Variants in SNTG1 observed in about 807,000 individuals in gnomAD.
SNTG1 encodes the protein gamma-1-syntrophin.
In SNTG1, 39 loss-of-function variants were observed where a neutral mutation model predicts 74.7. That is an observed-to-expected ratio of 0.52 (90% CI 0.40 to 0.68). The LOEUF (loss-of-function observed/expected upper bound fraction) is 0.68. Among genes scored for constraint, SNTG1 ranks in the 30% least tolerant of loss-of-function variants. SNTG1 has a pLI of 0.00. For missense variants in SNTG1, 685 were observed against 609.5 expected, an observed-to-expected ratio of 1.12 and a Z score of -1.30; for synonymous variants, 254 against 217.1, an observed-to-expected ratio of 1.17 and a Z score of -1.49.
At chr8:50,190,907 A>G (rs1183556407) in intron 2 of SNTG1, among the ~76,000 whole-genome samples, 4 of 152,144 alleles carry the variant, frequency 2.6e-5, no homozygotes, top group African/African-American at 9.7e-5. Flanking sequence ...ACACGACAAT[A>G]AGAATAAATT....
intron 1 of SNTG1, among the ~76,000 whole-genome samples, chr8:50,066,125 G>T (rs373936800): frequency 1.3e-5 from 2 of 152,206 alleles, no homozygotes; most frequent in African/African-American, 4.8e-5. Flanking sequence ...TGAGGCAGGA[G>T]AATCGCTTGA....
intron 13 of SNTG1, among the ~76,000 whole-genome samples, chr8:50,647,966 G>A (rs1415498747): frequency 1.3e-5 from 2 of 151,980 alleles, no homozygotes; most frequent in East Asian, 3.9e-4. Context: ...TAGGAAGAAT[G>A]TACTGAAACT....
intron 1 of SNTG1, among the ~76,000 whole-genome samples, chr8:49,995,187 G>T (rs1471955841): frequency 6.6e-6 from 1 of 152,132 alleles, no homozygotes; most frequent in East Asian, 1.9e-4. Flanking sequence ...CTGGTGAAGA[G>T]TTCAACATTA....
chr8:50,323,009 G>A (rs113714750), intron 2 of SNTG1, among the ~76,000 whole-genome samples: 8,209 of 151,448 alleles, frequency 0.054, 250 homozygotes, highest in Middle Eastern at 0.12. Flanking sequence ...CCAGCCACTC[G>A]GGGGGCTGAG....
At chr8:50,783,704 G>A (rs906819080) in intron 18 of SNTG1, among the ~76,000 whole-genome samples, 2 of 152,180 alleles carry the variant, frequency 1.3e-5, no homozygotes, top group African/African-American at 4.8e-5. Flanking sequence ...GCTGCACCCA[G>A]TGTCCTGCGC....
chr8:50,250,427 T>G (rs150352686), intron 2 of SNTG1, among the ~76,000 whole-genome samples: 1 of 152,082 alleles, frequency 6.6e-6, no homozygotes, highest in African/African-American at 2.4e-5. Context: ...AGTTCCCAAG[T>G]CTTAGGGGAG....
At chr8:50,168,538 C>T (rs551003463) in intron 1 of SNTG1, among the ~76,000 whole-genome samples, 11 of 151,950 alleles carry the variant, frequency 7.2e-5, no homozygotes, top group South Asian at 6.2e-4. Context: ...TTAACACATC[C>T]GTGTGTGTAT....
At chr8:50,423,357 A>C (rs778126117) in intron 4 of SNTG1, among the ~76,000 whole-genome samples, 9 of 152,260 alleles carry the variant, frequency 5.9e-5, no homozygotes, top group Non-Finnish European at 1.0e-4. Context: ...TATTGCAAAA[A>C]ACAATCATAA....
At chr8:49,984,308 C>A (rs976326819) in intron 1 of SNTG1, among the ~76,000 whole-genome samples, 1 of 151,872 alleles carries the variant, frequency 6.6e-6, no homozygotes, top group Non-Finnish European at 1.5e-5. Context: ...CAGATTCAAG[C>A]GATTCTCCTG....
At chr8:50,390,870 TTGTC>T in intron 2 of SNTG1, among the ~76,000 whole-genome samples, 1 of 152,274 alleles carries the variant, frequency 6.6e-6, no homozygotes, top group East Asian at 1.9e-4. Flanking sequence ...GGCTCTCTGT[TTGTC>T]TGTTATTGGT....
chr8:50,242,058 GACAC>G lies in SNTG1; in HGVS notation c.-28+69427_-28+69430del, dbSNP rs796526265. Among the ~76,000 whole-genome samples, 16 of 151,514 alleles carry G rather than the reference GACAC, an allele frequency of 1.1e-4. 1 individual carries two copies. The highest frequency in any genetic ancestry group is 3.9e-4 in the African/African-American group (16 of 41,278). On this transcript the variant is annotated intron_variant, in intron 2 of 18. Coordinates refer to ENST00000642720, the MANE Select transcript of SNTG1 (RefSeq NM_018967.5). ...CACTAGATAGATACATAGATAGATA[GACAC>G]ACAGATACACACACACATATCTACG... is the stretch of plus-strand genomic sequence containing the variant.
intron 18 of SNTG1, among the ~76,000 whole-genome samples, chr8:50,757,017 G>A (rs556068827): frequency 2.6e-5 from 4 of 151,660 alleles, no homozygotes; most frequent in African/African-American, 7.2e-5. Flanking sequence ...ACATGTGACC[G>A]AGAATATCTT....
At chr8:50,581,452 C>G (rs2094609277) in intron 12 of SNTG1, among the ~76,000 whole-genome samples, 1 of 152,146 alleles carries the variant, frequency 6.6e-6, no homozygotes, top group Admixed American at 6.6e-5. Context: ...AGATGCCTCT[C>G]TCTCTCCATG....
chr8:50,689,756 G>A (rs987622667), intron 15 of SNTG1, among the ~76,000 whole-genome samples: 2 of 152,146 alleles, frequency 1.3e-5, no homozygotes, highest in Non-Finnish European at 2.9e-5. Context: ...GATGATGCTG[G>A]CCTCATAAAA....
At chr8:50,184,553 T>A (rs1316249568) in intron 2 of SNTG1, among the ~76,000 whole-genome samples, 1 of 152,208 alleles carries the variant, frequency 6.6e-6, no homozygotes, top group Non-Finnish European at 1.5e-5. Flanking sequence ...GCAATCTCAA[T>A]CTCTTTTAAA....
chr8:49,974,729 A>T (rs1053392089), intron 1 of SNTG1, among the ~76,000 whole-genome samples: 2 of 152,174 alleles, frequency 1.3e-5, no homozygotes, highest in Admixed American at 6.5e-5. Flanking sequence ...CTCTATTTAA[A>T]ATAATGTAAG....
intron 8 of SNTG1, among the ~76,000 whole-genome samples, chr8:50,455,721 T>G (rs1363467482): frequency 6.6e-6 from 1 of 152,130 alleles, no homozygotes; most frequent in Non-Finnish European, 1.5e-5. Flanking sequence ...AGGCATAAAT[T>G]TATATATTGG....
At chr8:49,975,579 G>C (rs1188935047) in intron 1 of SNTG1, among the ~76,000 whole-genome samples, 1 of 151,998 alleles carries the variant, frequency 6.6e-6, no homozygotes, top group Non-Finnish European at 1.5e-5. Context: ...AAGCTGATCT[G>C]AATGCTTTTG....
At chr8:50,566,961 T>C (rs2094519523) in intron 12 of SNTG1, among the ~76,000 whole-genome samples, 1 of 152,040 alleles carries the variant, frequency 6.6e-6, no homozygotes, top group Non-Finnish European at 1.5e-5. Flanking sequence ...TTTTTCTTCT[T>C]TCCAGTTGAA....
Sources: allele counts gnomAD v4.1 joint callset (sites outside exome capture counted in the v4.1 genomes callset), GRCh38; gene constraint gnomAD v4.1.1; transcripts MANE v1.5; gene names NCBI Gene and HGNC (gene_info 2026-07-23, HGNC 2026-07-21).